USH2A: variants seen among roughly 807,000 people sequenced by gnomAD.
The protein encoded by USH2A is usherin.
Under a neutral mutation model 538.9 loss-of-function variants are expected in USH2A, and 443 were observed. That is an observed-to-expected ratio of 0.82 (90% confidence interval 0.76 to 0.89). The LOEUF (loss-of-function observed/expected upper bound fraction) is 0.89, where lower values mean the gene tolerates loss of function less well. Ranked by LOEUF, USH2A falls within the 40% of genes least tolerant of loss-of-function variation. The pLI, the probability that USH2A is intolerant of heterozygous loss-of-function variation, is 0.00. For synonymous variants in USH2A, 2,413 were observed against 2,273.5 expected (o/e 1.06, Z -1.75); for missense variants, 6,633 against 6,324.8 (o/e 1.05, Z -1.65).
At chr1:215,860,786 C>A (rs78284158) in intron 44 of USH2A, among the ~76,000 whole-genome samples, 3,148 of 152,198 alleles carry the variant, frequency 0.021, 57 homozygotes, top group Non-Finnish European at 0.031. Context: ...ATTTATTTGT[C>A]TAGGACTAAA....
intron 61 of USH2A, among the ~76,000 whole-genome samples, chr1:215,699,675 G>A (rs1228540290): frequency 6.6e-6 from 1 of 152,148 alleles, no homozygotes; most frequent in Non-Finnish European, 1.5e-5. Flanking sequence ...TGTATCCTGA[G>A]AATTTGCTTA....
At chr1:215,913,886 C>T (rs1665877841) in intron 38 of USH2A, among the ~76,000 whole-genome samples, 1 of 151,534 alleles carries the variant, frequency 6.6e-6, no homozygotes, top group East Asian at 1.9e-4. Flanking sequence ...CATTAGAATG[C>T]CAGAAAGAGA....
chr1:216,315,546 A>G (rs1388501190), intron 9 of USH2A, among the ~76,000 whole-genome samples: 2 of 152,156 alleles, frequency 1.3e-5, no homozygotes, highest in African/African-American at 4.8e-5. Context: ...CAGGGTACAC[A>G]TATGCCAAAA....
chr1:215,639,662 A>G (rs1373285371), intron 68 of USH2A, among the ~76,000 whole-genome samples: 3 of 152,162 alleles, frequency 2.0e-5, no homozygotes, highest in Non-Finnish European at 2.9e-5. Flanking sequence ...TGCTCTTCCA[A>G]TGGCCAGGAA....
At chr1:216,265,617 AATAG>A (rs200263163) in intron 11 of USH2A, among the ~76,000 whole-genome samples, 1,544 of 135,570 alleles carry the variant, frequency 0.011, 21 homozygotes, top group African/African-American at 0.035. Flanking sequence ...TTAGCAAAGG[AATAG>A]ATAAAGAAAA....
intron 34 of USH2A, among the ~76,000 whole-genome samples, chr1:215,995,741 C>T (rs778150397): frequency 6.6e-6 from 1 of 152,198 alleles, no homozygotes; most frequent in African/African-American, 2.4e-5. Flanking sequence ...TAGCTTTTCT[C>T]AGTTACAGCC....
chr1:215,799,906 A>T (rs1214015741), intron 49 of USH2A, among the ~76,000 whole-genome samples: 1 of 152,080 alleles, frequency 6.6e-6, no homozygotes, highest in African/African-American at 2.4e-5. Context: ...GAATTGCTTG[A>T]ACCCGGGAGG....
intron 30 of USH2A, among the ~76,000 whole-genome samples, chr1:216,058,863 A>G (rs2031076054): frequency 1.3e-5 from 2 of 152,202 alleles, no homozygotes; most frequent in African/African-American, 4.8e-5. Context: ...TTCTTTTAAG[A>G]TAAGTATATT....
intron 3 of USH2A, among the ~76,000 whole-genome samples, chr1:216,388,272 T>TAA (rs1004686452): frequency 1.3e-5 from 2 of 152,210 alleles, no homozygotes; most frequent in African/African-American, 4.8e-5. Flanking sequence ...ATACCTTTTC[T>TAA]AAAAATTGGG....
chr1:216,050,576 C>CTTTCTTTCTTTCT (rs2030728902), intron 30 of USH2A, among the ~76,000 whole-genome samples: 1 of 29,554 alleles, frequency 3.4e-5, no homozygotes, highest in Non-Finnish European at 8.9e-5. Context: ...TTCTTTCTTT[C>CTTTCTTTCTTTCT]TTTCTTTCTT....
intron 62 of USH2A, among the ~76,000 whole-genome samples, chr1:215,676,454 G>A (rs937427403): frequency 5.3e-5 from 8 of 152,100 alleles, no homozygotes; most frequent in African/African-American, 1.7e-4. Context: ...TGAGAGAGAT[G>A]ACACACTCCT....
At chr1:215,672,943 T>C (rs2102663353) in intron 63 of USH2A, among the ~76,000 whole-genome samples, 1 of 152,334 alleles carries the variant, frequency 6.6e-6, no homozygotes, top group Admixed American at 6.5e-5. Context: ...ACCTCTAGAA[T>C]ACTTTTTGAA....
rs1225869761 is a variant in USH2A, at chr1:215,846,010, C to T, written c.8869G>A (p.Val2957Ile). 1.3e-6 allele frequency: 2 copies of T among 1,581,922 alleles called. No individual in the cohort carries two copies. The highest frequency in any genetic ancestry group is 2.7e-5 in the African/African-American group (2 of 73,698). ...KPTVQDLQGE[V>I]EYYTLFWSSA... ...CTCCAAAAAAGTGTGTAATATTCAA[C>T]TTCACCTTGTAGGTCTTGAACAGCT... Residue 2957 changes from valine (V) to isoleucine (I), a missense_variant, in exon 45 of 72, where the codon GTT (valine) becomes ATT (isoleucine). By Grantham distance (29) the Val-to-Ile change is conservative (BLOSUM62 3). Transcript: ENST00000307340.
intron 49 of USH2A, among the ~76,000 whole-genome samples, chr1:215,801,131 C>A (rs1662317927): frequency 1.3e-5 from 2 of 151,966 alleles, no homozygotes; most frequent in Admixed American, 6.6e-5. Context: ...TAGATGAAAA[C>A]TACTTCAACA....
At chr1:215,955,720 A>G (rs1667047732) in intron 37 of USH2A, among the ~76,000 whole-genome samples, 1 of 152,180 alleles carries the variant, frequency 6.6e-6, no homozygotes. Context: ...AGATTCTGCA[A>G]CACTAATAAT....
rs1204989533 is a variant in USH2A at position 215,782,060 on chromosome 1, G to A, written c.10722C>T (p.Gly3574=). The change falls in exon 54 of 72, where the codon GGC becomes GGT. Residue 3574 remains glycine, a synonymous_variant. Transcript: ENST00000307340. The stretch of plus-strand genomic sequence containing the variant: ...CTCTTACCTTGCTACTGGTGGCACA[G>A]CCAGCAACCGTGCAAGCTTTCAGCT... ...SYQLKACTVA[G]CATSSKVVAA... 2 of 1,613,824 alleles carry A rather than the reference G, an allele frequency of 1.2e-6. No homozygotes were observed. Among genetic ancestry groups the A allele is most frequent in the Admixed American group, 1.7e-5 (1 of 59,992 alleles).
chr1:215,813,230 C>T (rs1662752136), intron 49 of USH2A, among the ~76,000 whole-genome samples: 1 of 152,154 alleles, frequency 6.6e-6, no homozygotes, highest in Admixed American at 6.5e-5. Flanking sequence ...ATCCAGTTTG[C>T]TACCCTTTGC....
intron 3 of USH2A, among the ~76,000 whole-genome samples, chr1:216,366,837 G>A (rs139038141): frequency 8.5e-5 from 13 of 152,102 alleles, no homozygotes; most frequent in African/African-American, 2.4e-4. Flanking sequence ...GATATATTCC[G>A]CTTTGTTGGG....
At chr1:216,178,452 G>A (rs767745108) in intron 20 of USH2A, among the ~76,000 whole-genome samples, 57 of 152,114 alleles carry the variant, frequency 3.7e-4, no homozygotes, top group Middle Eastern at 3.2e-3. Context: ...TCTCTTCAGA[G>A]TTTAGAGTTA....
Sources: allele counts gnomAD v4.1 joint callset (sites outside exome capture counted in the v4.1 genomes callset), GRCh38; gene constraint gnomAD v4.1.1; transcripts MANE v1.5; gene names NCBI Gene and HGNC (gene_info 2026-07-23, HGNC 2026-07-21).